The following TYW5 variants were observed in gnomAD, a reference collection of about 807,000 sequenced individuals.
The protein encoded by TYW5 is tRNA wybutosine-synthesizing protein 5.
A neutral mutation model predicts 44.4 loss-of-function variants in TYW5; 36 were observed. The ratio of observed to expected loss-of-function variants is 0.81; its 90% confidence interval spans 0.62 to 1.07. The LOEUF is 1.07. Ranked by LOEUF, TYW5 falls within the 50% of genes least tolerant of loss-of-function variation. TYW5 has a pLI of 0.00. For synonymous variants in TYW5, 121 were observed against 128.1 expected (o/e 0.94, Z 0.37); for missense variants, 354 against 365.7 (o/e 0.97, Z 0.26).
chr2:199,932,148 T>A lies in TYW5; in HGVS notation c.*919A>T, dbSNP rs2077383299. The A allele has an allele frequency of 6.6e-6, 1 of 152,170 alleles. No individual in the cohort carries two copies. The highest frequency in any genetic ancestry group is 6.5e-5 in the Admixed American group (1 of 15,268). 9.4% of individuals were successfully genotyped at this position (152,170 alleles called of 1,614,324 possible). On this transcript the variant is annotated 3_prime_UTR_variant, in exon 8 of 8. Coordinates refer to ENST00000354611, the MANE Select transcript of TYW5 (RefSeq NM_001039693.3). ...ACAAAACTAATAATCCAAGTCACTA[T>A]CATCAACTCCAGTTGATCTCAGCTC...
intron 7 of TYW5, among the ~76,000 whole-genome samples, chr2:199,935,710 C>G (rs1382729315): frequency 7.0e-6 from 1 of 143,690 alleles, no homozygotes; most frequent in African/African-American, 2.5e-5. Flanking sequence ...TTTGCCTAGG[C>G]CTGCTTTAAA....
At chr2:199,934,624 C>G (rs972407230) in intron 7 of TYW5, among the ~76,000 whole-genome samples, 3 of 151,852 alleles carry the variant, frequency 2.0e-5, no homozygotes, top group African/African-American at 4.8e-5. Context: ...AATCTAGTCC[C>G]AAAAGAAGTC....
At chr2:199,934,691 G>C (rs1171823670) in intron 7 of TYW5, among the ~76,000 whole-genome samples, 2 of 151,904 alleles carry the variant, frequency 1.3e-5, no homozygotes. Context: ...AAGTATTAAT[G>C]ATTCTTAATA....
At chr2:199,954,142 G>A (rs954512926) in intron 1 of TYW5, among the ~76,000 whole-genome samples, 1 of 149,186 alleles carries the variant, frequency 6.7e-6, no homozygotes, top group South Asian at 2.2e-4. Flanking sequence ...TCACCCTCTC[G>A]CCCATGCTGG....
At chr2:199,936,322 C>G in intron 6 of TYW5, 83 bp downstream of exon 6, 1 of 1,215,614 alleles carries the variant, frequency 8.2e-7, no homozygotes, top group African/African-American at 1.5e-5. Context: ...CTGAAGTGTT[C>G]TTTTCCTATA....
At chr2:199,933,364 A>C (rs773176774) in intron 7 of TYW5, 41 bp from the exon 8 acceptor site, 3 of 1,537,766 alleles carry the variant, frequency 2.0e-6, no homozygotes, top group Non-Finnish European at 2.6e-6. Context: ...TAAAACCTAC[A>C]GTTAAAAAAA....
At chr2:199,940,405 T>C (rs1170745543) in intron 3 of TYW5, among the ~76,000 whole-genome samples, 3 of 152,078 alleles carry the variant, frequency 2.0e-5, no homozygotes, top group Admixed American at 6.6e-5. Context: ...GTAATCCTAG[T>C]ACTCTGGGAG....
chr2:199,940,395 G>A (rs1273776230), intron 3 of TYW5, among the ~76,000 whole-genome samples: 4 of 152,150 alleles, frequency 2.6e-5, no homozygotes, highest in Non-Finnish European at 4.4e-5. Context: ...GGTCACAACT[G>A]TAATCCTAGT....
At chr2:199,935,433 C>A (rs189538476) in intron 7 of TYW5, among the ~76,000 whole-genome samples, 9 of 151,898 alleles carry the variant, frequency 5.9e-5, no homozygotes, top group African/African-American at 2.2e-4. Flanking sequence ...ACCTCAACCT[C>A]GTGGGCCCAA....
intron 5 of TYW5, among the ~76,000 whole-genome samples, chr2:199,938,271 A>G (rs1158694527): frequency 1.3e-5 from 2 of 152,004 alleles, no homozygotes; most frequent in African/African-American, 2.4e-5. Context: ...TCACCGTGTT[A>G]GCCAGGATGG....
intron 1 of TYW5, among the ~76,000 whole-genome samples, chr2:199,954,108 CTT>C (rs71019097): frequency 9.5e-4 from 141 of 147,970 alleles, no homozygotes; most frequent in Middle Eastern, 3.5e-3. Context: ...CCAACCCCGC[CTT>C]TTTTTTTTTT....
intron 7 of TYW5, among the ~76,000 whole-genome samples, chr2:199,934,934 A>G (rs1192565355): frequency 1.3e-5 from 2 of 152,072 alleles, no homozygotes; most frequent in Non-Finnish European, 2.9e-5. Flanking sequence ...CACAAATGAT[A>G]CTACAGGTGT....
Position 199,932,833 on chromosome 2 carries a change from T to C in TYW5, c.*234A>G. 2.0e-6 allele frequency: 1 copy of C among 500,296 alleles called. No individual in the cohort carries two copies. Among genetic ancestry groups the C allele is most frequent in the South Asian group, 3.2e-5 (1 of 31,522 alleles). The allele number at this position is 500,296 out of a possible 1,614,324, so 31.0% of individuals were successfully genotyped here. A position where few individuals can be genotyped will look rare whatever the true frequency, so the allele number is the denominator to read the frequency against. On this transcript the variant is annotated 3_prime_UTR_variant, in exon 8 of 8. Coordinates refer to ENST00000354611, the MANE Select transcript of TYW5 (RefSeq NM_001039693.3). ...TGTGAATCAATATATTTTCTTACTG[T>C]TTTTAAGTCATTTTAAGTTGGACTT...
chr2:199,955,366 A>G (rs2105720252), intron 1 of TYW5, 27 bp downstream of exon 1: 2 of 1,609,994 alleles, frequency 1.2e-6, no homozygotes, highest in South Asian at 2.2e-5. Flanking sequence ...TGGTTTCTCG[A>G]GGTTCTGCCC....
At chr2:199,941,184 G>T (rs531721052) in intron 3 of TYW5, among the ~76,000 whole-genome samples, 2 of 152,092 alleles carry the variant, frequency 1.3e-5, no homozygotes, top group Non-Finnish European at 1.5e-5. Context: ...TCAGCCTCCC[G>T]AGTAGCTGGG....
At chr2:199,954,071 G>C (rs1179192902) in intron 1 of TYW5, among the ~76,000 whole-genome samples, 1 of 148,416 alleles carries the variant, frequency 6.7e-6, no homozygotes, top group Non-Finnish European at 1.5e-5. Flanking sequence ...GCTATCAAAA[G>C]AAAAACTTCA....
chr2:199,951,745 A>G (rs2077546451), intron 1 of TYW5, among the ~76,000 whole-genome samples: 1 of 151,970 alleles, frequency 6.6e-6, no homozygotes, highest in South Asian at 2.1e-4. Context: ...GGCTGGGTGC[A>G]GTGGCTCACG....
chr2:199,940,705 G>C lies in TYW5; in HGVS notation c.304-572C>G, dbSNP rs190476590. ...GAAATGTCTTTAATATGTTGCTCAT[G>C]ATAGTGACTGGATCCATAAAACAAT... On this transcript the variant is annotated intron_variant, in intron 3 of 7. Transcript: ENST00000354611. 6.6e-5 allele frequency among the ~76,000 whole-genome samples: 10 copies of C among 151,738 alleles called. No homozygotes were observed. The East Asian group carries it at 1.9e-3, about 29-fold the overall frequency.
At position 199,929,743 on chromosome 2, in the gene TYW5, AAATT is replaced by A. The variant is rs1180273794; in HGVS notation, c.*3320_*3323del. ...TTGGTATTTTATCAAAGTGAGTTAG[AAATT>A]AATTACAGGACAAATAGAATTCTAA... On this transcript the variant is annotated 3_prime_UTR_variant, in exon 8 of 8. Coordinates refer to ENST00000354611, the MANE Select transcript of TYW5 (RefSeq NM_001039693.3). 6.6e-6 allele frequency among the ~76,000 whole-genome samples: 1 copy of A among 152,070 alleles called. No individual in the cohort carries two copies. Among genetic ancestry groups the A allele is most frequent in the African/African-American group, 2.4e-5 (1 of 41,424 alleles).
Sources: allele counts gnomAD v4.1 joint callset (sites outside exome capture counted in the v4.1 genomes callset), GRCh38; gene constraint gnomAD v4.1.1; transcripts MANE v1.5; gene names NCBI Gene and HGNC (gene_info 2026-07-23, HGNC 2026-07-21).